AGBL1: variants seen among roughly 807,000 people sequenced by gnomAD.
The protein encoded by AGBL1 is AGBL carboxypeptidase 1.
AGBL1 carries 130 observed loss-of-function variants against 118.9 expected under a neutral mutation model. The ratio of observed to expected loss-of-function variants is 1.09; its 90% confidence interval spans 0.95 to 1.26. AGBL1 has a LOEUF of 1.26. Ranked by LOEUF, AGBL1 falls within the 50% of genes most tolerant of loss-of-function variation. AGBL1 has a pLI of 0.00. For missense variants in AGBL1, 1,584 were observed against 1,298.1 expected (o/e 1.22, Z -3.38); for synonymous variants, 555 against 478.9 (o/e 1.16, Z -2.08).
chr15:86,281,701 G>A lies in AGBL1; in HGVS notation c.2220+1918G>A, dbSNP rs115379244. ...CAGGAACAGAACATCAGCCCTTGAGGTGTATTCCTGTGGTCTTTCTACTCC... is the reference window on the plus strand; with the variant it reads ...CAGGAACAGAACATCAGCCCTTGAGATGTATTCCTGTGGTCTTTCTACTCC... On this transcript the variant is annotated intron_variant, in intron 16 of 22. Transcript: ENST00000614907. Among the ~76,000 whole-genome samples the A allele has an allele frequency of 1.2e-3, 176 of 152,308 alleles. 1 individual carries two copies. The highest frequency in any genetic ancestry group is 4.0e-3 in the African/African-American group (166 of 41,570).
intron 22 of AGBL1, among the ~76,000 whole-genome samples, chr15:86,756,790 C>T (rs2077947616): frequency 6.6e-6 from 1 of 151,958 alleles, no homozygotes; most frequent in South Asian, 2.1e-4. Flanking sequence ...ATAGACAGAG[C>T]TTGTCTTATA....
intron 24 of AGBL1, among the ~76,000 whole-genome samples, chr15:86,995,747 A>C (rs1003107564): frequency 1.3e-5 from 2 of 152,160 alleles, no homozygotes; most frequent in South Asian, 4.1e-4. Flanking sequence ...CCTGAATTTG[A>C]ATTTTCTGTG....
At chr15:86,792,355 T>A (rs1316540225) in intron 22 of AGBL1, among the ~76,000 whole-genome samples, 1 of 152,200 alleles carries the variant, frequency 6.6e-6, no homozygotes. Flanking sequence ...AGTACTCTAG[T>A]AATTCTGATA....
chr15:86,400,225 C>T (rs1284381504), intron 18 of AGBL1, among the ~76,000 whole-genome samples: 2 of 152,094 alleles, frequency 1.3e-5, no homozygotes, highest in African/African-American at 4.8e-5. Context: ...GATCTTTGTC[C>T]TGTGAGCTTC....
chr15:86,486,965 C>A (rs1388873496), intron 18 of AGBL1, among the ~76,000 whole-genome samples: 1 of 152,052 alleles, frequency 6.6e-6, no homozygotes, highest in Non-Finnish European at 1.5e-5. Flanking sequence ...CTTTCTGTAA[C>A]CCGCTGGATG....
In AGBL1 at chr15:86,204,503, TCCCCTTCCCCTTCC is replaced by T. The variant is rs1235868357; in HGVS notation, c.489-20408_489-20395del. ...CCTTCCTTTCCCTTCCCCTTCCCCT[TCCCCTTCCCCTTCC>T]CCTTCCTTCCTTCCTTTTTTCTCTT... On this transcript the variant is annotated intron_variant, in intron 5 of 22. Coordinates refer to ENST00000614907, the MANE Select transcript of AGBL1 (RefSeq NM_001386094.1). Among the ~76,000 whole-genome samples, 11 of 122,394 alleles carry T rather than the reference TCCCCTTCCCCTTCC, an allele frequency of 9.0e-5. No individual in the cohort carries two copies. The East Asian group carries it at 2.6e-3, about 29-fold the overall frequency. 80.3% of individuals were successfully genotyped at this position (122,394 alleles called of 152,430 possible). A position where few individuals can be genotyped will look rare whatever the true frequency, so the allele number is the denominator to read the frequency against.
chr15:86,386,934 T>C (rs2081205614), intron 17 of AGBL1, among the ~76,000 whole-genome samples: 1 of 152,212 alleles, frequency 6.6e-6, no homozygotes, highest in South Asian at 2.1e-4. Context: ...TTGTTTATGT[T>C]GTGACATAAC....
At chr15:86,124,497 CT>C (rs901103213) in intron 1 of AGBL1, among the ~76,000 whole-genome samples, 1 of 152,012 alleles carries the variant, frequency 6.6e-6, no homozygotes, top group African/African-American at 2.4e-5. Flanking sequence ...TTTGTGCTAC[CT>C]TTGTAACTTT....
At chr15:86,949,769 A>G (rs2080859735) in intron 23 of AGBL1, among the ~76,000 whole-genome samples, 1 of 152,122 alleles carries the variant, frequency 6.6e-6, no homozygotes, top group Non-Finnish European at 1.5e-5. Flanking sequence ...AGAAATAGAC[A>G]AACTCGCAAT....
intron 22 of AGBL1, among the ~76,000 whole-genome samples, chr15:86,731,657 G>C (rs2077529479): frequency 6.6e-6 from 1 of 152,214 alleles, no homozygotes. Flanking sequence ...AAGATAGAGA[G>C]AGGAAGAAGC....
intron 18 of AGBL1, among the ~76,000 whole-genome samples, chr15:86,491,845 G>A (rs2082783337): frequency 6.6e-6 from 1 of 151,170 alleles, no homozygotes; most frequent in Admixed American, 6.6e-5. Flanking sequence ...CCCTAGCTAA[G>A]TTCTGGCTGT....
intron 22 of AGBL1, among the ~76,000 whole-genome samples, chr15:86,832,852 A>G (rs2079124345): frequency 6.6e-6 from 1 of 152,126 alleles, no homozygotes. Context: ...ACTGGTACCA[A>G]TTTACTGTAT....
In AGBL1 at chr15:86,264,505, A is replaced by G. The variant is rs371810143; in HGVS notation, c.1334A>G (p.Asn445Ser). 4.6e-5 allele frequency: 74 copies of G among 1,613,952 alleles called. No individual in the cohort carries two copies. The African/African-American group carries it at 7.9e-4, about 17-fold the overall frequency. The part of the protein sequence containing the change: ...GVNLYQNVQS[N>S]SLRRDSSESE... ...AACCTGTACCAAAATGTGCAATCCA[A>G]TAGTCTCAGGAGAGATTCTTCTGAA... Residue 445 changes from asparagine (N) to serine (S), a missense_variant, in exon 11 of 23, where the codon AAT becomes AGT. Transcript: ENST00000614907.
At chr15:86,090,178 G>T (rs561988240) in intron 1 of AGBL1, among the ~76,000 whole-genome samples, 1 of 152,018 alleles carries the variant, frequency 6.6e-6, no homozygotes, top group African/African-American at 2.4e-5. Context: ...AGTAGCAGTC[G>T]CAATTTAAAC....
chr15:86,965,457 C>A (rs1164888992), intron 23 of AGBL1, among the ~76,000 whole-genome samples: 1 of 151,878 alleles, frequency 6.6e-6, no homozygotes, highest in African/African-American at 2.4e-5. Context: ...CTGTTCATAT[C>A]CTTTGCCCAC....
chr15:86,542,072 A>G (rs57514899), intron 19 of AGBL1, among the ~76,000 whole-genome samples: 2,520 of 152,308 alleles, frequency 0.017, 67 homozygotes, highest in African/African-American at 0.056. Context: ...CGCAGCTGGA[A>G]GTGGATCTAA....
intron 5 of AGBL1, among the ~76,000 whole-genome samples, chr15:86,177,633 G>A (rs1402578296): frequency 6.6e-6 from 1 of 152,166 alleles, no homozygotes. Flanking sequence ...ATCAACAACA[G>A]AAAGGTTTCT....
intron 17 of AGBL1, among the ~76,000 whole-genome samples, chr15:86,396,225 ATGTG>A (rs1193757610): frequency 0.025 from 3,176 of 128,156 alleles, 138 homozygotes; most frequent in African/African-American, 0.09. Context: ...GTGTATATAT[ATGTG>A]TGTGTGTGTG....
chr15:87,015,322 A>G (rs1027789080), intron 24 of AGBL1, among the ~76,000 whole-genome samples: 6 of 152,082 alleles, frequency 3.9e-5, no homozygotes, highest in African/African-American at 9.7e-5. Context: ...ATGGAAGCCA[A>G]TTCCCCTAAT....
Sources: gnomAD v4.1 joint callset for allele counts (sites outside exome capture counted in the v4.1 genomes callset) on GRCh38, gnomAD v4.1.1 for gene constraint, MANE v1.5 for transcripts, NCBI Gene and HGNC (gene_info 2026-07-23, HGNC 2026-07-21) for gene names.